PROK2: variants seen among roughly 807,000 people sequenced by gnomAD.
PROK2 encodes prokineticin 2.
Under a neutral mutation model 14.2 loss-of-function variants are expected in PROK2, and 8 were observed. The ratio of observed to expected loss-of-function variants is 0.56; its 90% confidence interval spans 0.33 to 1.02. The LOEUF (loss-of-function observed/expected upper bound fraction) is 1.02, where lower values mean the gene tolerates loss of function less well. Ranked by LOEUF, PROK2 falls within the 50% of genes least tolerant of loss-of-function variation. PROK2 has a pLI of 0.03. For missense variants in PROK2, 154 were observed against 160.4 expected, an observed-to-expected ratio of 0.96 and a Z score of 0.22; for synonymous variants, 59 against 60.7, an observed-to-expected ratio of 0.97 and a Z score of 0.13.
intron 3 of PROK2, among the ~76,000 whole-genome samples, 169 bp downstream of exon 3, chr3:71,774,276 G>A (rs1323206840): frequency 6.6e-6 from 1 of 152,110 alleles, no homozygotes; most frequent in Admixed American, 6.6e-5. Flanking sequence ...ATATCATATA[G>A]ATATCAATAC....
At chr3:71,781,325 G>T in intron 2 of PROK2, 142 bp downstream of exon 2, 2 of 987,582 alleles carry the variant, frequency 2.0e-6, no homozygotes, top group South Asian at 1.4e-5. Context: ...GAGGAGAGGG[G>T]GTAGTTTTAC....
In PROK2 at chr3:71,776,364, A is replaced by ATTTTTTTTTTTTTTTTTTTT. The variant is rs58407323; in HGVS notation, c.223-1877_223-1858dup. Among the ~76,000 whole-genome samples, 8 of 75,436 alleles carry ATTTTTTTTTTTTTTTTTTTT rather than the reference A, an allele frequency of 1.1e-4. 2 individuals are homozygous for ATTTTTTTTTTTTTTTTTTTT. The highest frequency in any genetic ancestry group is 4.1e-4 in the African/African-American group (8 of 19,632). The allele number at this position is 75,436 out of a possible 152,430, so 49.5% of individuals were successfully genotyped here. ...TTTTCTTTTTTTCTTTTCGCTTTTC[A>ATTTTTTTTTTTTTTTTTTTT]TTTTTTTTTTTTTTTTTTTTTTTTT... On this transcript the variant is annotated intron_variant, in intron 2 of 3. Coordinates refer to ENST00000295619, the MANE Select transcript of PROK2 (RefSeq NM_001126128.2).
intron 2 of PROK2, among the ~76,000 whole-genome samples, chr3:71,781,147 A>G (rs1000042800): frequency 9.9e-5 from 15 of 152,238 alleles, no homozygotes; most frequent in African/African-American, 3.6e-4. Context: ...TTCTGCAAAG[A>G]TGCATACTAG....
intron 3 of PROK2, among the ~76,000 whole-genome samples, chr3:71,773,178 C>T (rs2050093556): frequency 6.6e-6 from 1 of 152,192 alleles, no homozygotes; most frequent in Non-Finnish European, 1.5e-5. Flanking sequence ...CAGGGTTTCA[C>T]CTTGTTGGCC....
intron 3 of PROK2, among the ~76,000 whole-genome samples, chr3:71,773,380 G>C (rs976777773): frequency 6.6e-6 from 1 of 152,208 alleles, no homozygotes; most frequent in African/African-American, 2.4e-5. Flanking sequence ...GAGAGAATGA[G>C]GCAAAGAGAG....
rs1377453177 is a variant in PROK2 at position 71,772,773 on chromosome 3, G to A, written c.341C>T (p.Ala114Val). ...HHTCPCLPGL[A>V]CLRTSFNRFI... The stretch of plus-strand genomic sequence containing the variant: ...TCGGTTAAATGAAGTCCGTAAACAG[G>A]CCAAGCCTGGCAGACATGGGCAAGT... Residue 114 changes from alanine to valine, a missense_variant, in exon 4 of 4, where the codon GCC (alanine) becomes GTC (valine). Ala to Val is a moderately conservative substitution (Grantham distance 64). Coordinates refer to ENST00000295619, the MANE Select transcript of PROK2 (RefSeq NM_001126128.2). 1.9e-6 allele frequency: 3 copies of A among 1,614,060 alleles called. No individual in the cohort carries two copies. Among genetic ancestry groups the A allele is most frequent in the Admixed American group, 3.3e-5 (2 of 59,994 alleles).
At chr3:71,784,648 C>A (rs1198051330) in intron 1 of PROK2, among the ~76,000 whole-genome samples, 1 of 152,172 alleles carries the variant, frequency 6.6e-6, no homozygotes, top group Non-Finnish European at 1.5e-5. Context: ...TTCAGCCTAA[C>A]AGAAGAAAAA....
intron 2 of PROK2, among the ~76,000 whole-genome samples, chr3:71,775,227 T>C (rs1157593087): frequency 1.3e-5 from 2 of 152,184 alleles, no homozygotes; most frequent in African/African-American, 4.8e-5. Context: ...ATAATGAGCA[T>C]GTTAAACTGT....
At chr3:71,776,363 C>CTTTTTTTTTTTTTTTT (rs2050118816) in intron 2 of PROK2, among the ~76,000 whole-genome samples, 3 of 92,070 alleles carry the variant, frequency 3.3e-5, no homozygotes, top group African/African-American at 4.5e-5. Context: ...TTTCGCTTTT[C>CTTTTTTTTTTTTTTTT]ATTTTTTTTT....
chr3:71,781,290 T>C (rs138455289), intron 2 of PROK2, among the ~76,000 whole-genome samples, 177 bp downstream of exon 2: 1 of 152,328 alleles, frequency 6.6e-6, no homozygotes, highest in East Asian at 1.9e-4. Context: ...AGACAGAGGA[T>C]ACAATTCTTT....
rs1193395799 is a variant in PROK2 at position 71,772,689 on chromosome 3, G to A, written c.*35C>T. On this transcript the variant is annotated 3_prime_UTR_variant, in exon 4 of 4. Coordinates refer to ENST00000295619, the MANE Select transcript of PROK2 (RefSeq NM_001126128.2). ...ACAAGTAAGACTTTACAGGTAAGAT[G>A]TGGCTATTCACATTTGGTTTCTACT... 1 of 1,554,062 alleles carries A rather than the reference G, an allele frequency of 6.4e-7. No individual in the cohort carries two copies. The highest frequency in any genetic ancestry group is 8.9e-7 in the Non-Finnish European group (1 of 1,125,352).
rs929521352 is a variant in PROK2, at chr3:71,775,169, G to C, written c.223-662C>G. Among the ~76,000 whole-genome samples, 34 of 152,164 alleles carry C rather than the reference G, an allele frequency of 2.2e-4. 1 individual carries two copies. Among genetic ancestry groups the C allele is most frequent in the African/African-American group, 8.2e-4 (34 of 41,428 alleles). ...AGGTTGAGAAAAACAAACACAGATA[G>C]CAATATCCAAGTAAAAGGAGCCTGA... On this transcript the variant is annotated intron_variant, in intron 2 of 3. Transcript: ENST00000295619.
intron 3 of PROK2, among the ~76,000 whole-genome samples, 190 bp downstream of exon 3, chr3:71,774,255 T>A (rs953586545): frequency 6.6e-6 from 1 of 152,196 alleles, no homozygotes; most frequent in African/African-American, 2.4e-5. Context: ...TCCAGATAAA[T>A]TTCTTTGTAT....
chr3:71,780,319 T>C (rs1368834023), intron 2 of PROK2, among the ~76,000 whole-genome samples: 1 of 152,256 alleles, frequency 6.6e-6, no homozygotes, highest in Non-Finnish European at 1.5e-5. Context: ...GGCCACAATT[T>C]ATTTCATTCT....
Position 71,772,181 on chromosome 3 carries a change from C to A in PROK2, c.*543G>T, listed in dbSNP as rs2050084429. 1 of 159,252 alleles carries A rather than the reference C, an allele frequency of 6.3e-6. No individual in the cohort carries two copies. The highest frequency in any genetic ancestry group is 2.4e-5 in the African/African-American group (1 of 41,426). The allele number at this position is 159,252 out of a possible 1,614,324, so 9.9% of individuals were successfully genotyped here. ...TTAAATGCCAGCAAAAAGCTGGATT[C>A]CCATCAGTGATTCTGCCATCAAACT... is the stretch of plus-strand genomic sequence containing the variant. On this transcript the variant is annotated 3_prime_UTR_variant, in exon 4 of 4. Transcript: ENST00000295619.
chr3:71,785,115 G>T lies in PROK2; in HGVS notation c.-63C>A. 1 of 1,089,146 alleles carries T rather than the reference G, an allele frequency of 9.2e-7. No individual in the cohort carries two copies. Among genetic ancestry groups the T allele is most frequent in the Non-Finnish European group, 1.2e-6 (1 of 861,528 alleles). The allele number at this position is 1,089,146 out of a possible 1,614,324, so 67.5% of individuals were successfully genotyped here. ...GGGGCGCGGGGCCCGGGTGCGCTGG[G>T]TGGAGCGCGGAGCGGCGGGCGGACG... is the stretch of plus-strand genomic sequence containing the variant. On this transcript the variant is annotated 5_prime_UTR_variant, in exon 1 of 4. Coordinates refer to ENST00000295619, the MANE Select transcript of PROK2 (RefSeq NM_001126128.2).
At position 71,776,851 on chromosome 3, in the gene PROK2, C is replaced by A. The variant is rs142281806; in HGVS notation, c.223-2344G>T. 2.1e-3 allele frequency among the ~76,000 whole-genome samples: 318 copies of A among 152,304 alleles called. 1 individual carries two copies. The highest frequency in any genetic ancestry group is 3.1e-3 in the Non-Finnish European group (213 of 68,030). ...GCACACTGGAACCACTTAGTCCAAACTTCATGGTTTACTTTAGAATCAACC... is the reference window on the plus strand; with the variant it reads ...GCACACTGGAACCACTTAGTCCAAAATTCATGGTTTACTTTAGAATCAACC... On this transcript the variant is annotated intron_variant, in intron 2 of 3. Transcript: ENST00000295619.
At chr3:71,784,418 T>C (rs570260719) in intron 1 of PROK2, among the ~76,000 whole-genome samples, 11 of 152,296 alleles carry the variant, frequency 7.2e-5, no homozygotes, top group African/African-American at 2.6e-4. Flanking sequence ...GCTCCCACAA[T>C]TGCTTTTCAA....
chr3:71,779,089 G>A (rs1222226272), intron 2 of PROK2, among the ~76,000 whole-genome samples: 2 of 152,148 alleles, frequency 1.3e-5, no homozygotes, highest in Non-Finnish European at 2.9e-5. Flanking sequence ...AATAGAATTC[G>A]GTTCTCTTTT....
Sources: gnomAD v4.1 joint callset for allele counts (sites outside exome capture counted in the v4.1 genomes callset) on GRCh38, gnomAD v4.1.1 for gene constraint, MANE v1.5 for transcripts, NCBI Gene and HGNC (gene_info 2026-07-23, HGNC 2026-07-21) for gene names.